The following PRKAR2B variants were observed in gnomAD, a reference collection of about 807,000 sequenced individuals.
PRKAR2B encodes the protein protein kinase cAMP-dependent type II regulatory subunit beta.
PRKAR2B carries 14 observed loss-of-function variants against 49.9 expected under a neutral mutation model. The observed-to-expected ratio is 0.28, with a 90% CI of 0.19 to 0.44. PRKAR2B has a LOEUF of 0.44. Among genes scored for constraint, PRKAR2B ranks in the 20% least tolerant of loss-of-function variants. The pLI is 1.00. For synonymous variants in PRKAR2B, 196 were observed against 197.7 expected (o/e 0.99, Z 0.07); for missense variants, 393 against 537.9 (o/e 0.73, Z 2.67).
intron 8 of PRKAR2B, 33 bp downstream of exon 8, chr7:107,153,284 G>A: frequency 4.0e-6 from 6 of 1,510,270 alleles, no homozygotes; most frequent in Non-Finnish European, 5.4e-6. Flanking sequence ...TCAGTTTAGG[G>A]TTATATTCCA....
intron 2 of PRKAR2B, among the ~76,000 whole-genome samples, chr7:107,085,724 A>G (rs1478801976): frequency 1.3e-5 from 2 of 152,130 alleles, no homozygotes; most frequent in Admixed American, 1.3e-4. Flanking sequence ...TCTATTTTCC[A>G]TGACCTTACC....
intron 2 of PRKAR2B, among the ~76,000 whole-genome samples, chr7:107,071,001 G>A (rs914728948): frequency 1.3e-5 from 2 of 152,144 alleles, no homozygotes; most frequent in Non-Finnish European, 2.9e-5. Context: ...GGAAGTATGA[G>A]ACAGAATTAA....
At chr7:107,149,858 TGG>T (rs1795951255) in intron 6 of PRKAR2B, among the ~76,000 whole-genome samples, 1 of 152,166 alleles carries the variant, frequency 6.6e-6, no homozygotes, top group Admixed American at 6.5e-5. Flanking sequence ...TAAATGTAAT[TGG>T]ATTTTTTGTA....
intron 2 of PRKAR2B, among the ~76,000 whole-genome samples, chr7:107,114,225 G>C (rs917760): frequency 0.39 from 59,853 of 151,816 alleles, 14,485 homozygotes; most frequent in Non-Finnish European, 0.51. Context: ...AAACGTATGT[G>C]GGTTCTGACA....
At position 107,150,771 on chromosome 7, in the gene PRKAR2B, A is replaced by G. The variant is rs1037506388; in HGVS notation, c.742-151A>G. The stretch of plus-strand genomic sequence containing the variant: ...TGTATTATATTTTGTGCTTGACGAA[A>G]TAAAAATATGAAATGAGTTGCATTA... On this transcript the variant is annotated intron_variant, in intron 6 of 10. Transcript: ENST00000265717. The G allele has an allele frequency of 5.0e-5, 26 of 520,694 alleles. No individual in the cohort carries two copies. In the African/African-American group the frequency reaches 5.3e-4, roughly 11 times the overall value. The allele number at this position is 520,694 out of a possible 1,614,324, so 32.3% of individuals were successfully genotyped here. A position where few individuals can be genotyped will look rare whatever the true frequency, so the allele number is the denominator to read the frequency against.
At chr7:107,120,305 T>A (rs1795364471) in intron 2 of PRKAR2B, among the ~76,000 whole-genome samples, 1 of 152,086 alleles carries the variant, frequency 6.6e-6, no homozygotes, top group African/African-American at 2.4e-5. Context: ...TTGTGACAAT[T>A]AAAATGTCAC....
At position 107,108,083 on chromosome 7, in the gene PRKAR2B, A is replaced by C. The variant is rs575129421; in HGVS notation, c.344-13869A>C. On this transcript the variant is annotated intron_variant, in intron 2 of 10. Coordinates refer to ENST00000265717, the MANE Select transcript of PRKAR2B (RefSeq NM_002736.3). ...AATGATCAGTATGACAAAGACCAAC[A>C]ACCCTAACAGGGTGCCAAATGCTGA... Among the ~76,000 whole-genome samples, 7 of 152,296 alleles carry C rather than the reference A, an allele frequency of 4.6e-5. No individual in the cohort carries two copies. In the South Asian group the frequency reaches 1.4e-3, roughly 32 times the overall value.
chr7:107,109,094 TGA>T (rs1420027395), intron 2 of PRKAR2B, among the ~76,000 whole-genome samples: 1 of 152,044 alleles, frequency 6.6e-6, no homozygotes, highest in African/African-American at 2.4e-5. Flanking sequence ...AGAAAAGGGG[TGA>T]GGAGTTCCCA....
At chr7:107,128,975 G>C (rs570251817) in intron 4 of PRKAR2B, 1 of 152,090 alleles carries the variant, frequency 6.6e-6, no homozygotes, top group Admixed American at 6.5e-5. Flanking sequence ...AGTTATTTAG[G>C]AGTGAACCTC....
intron 2 of PRKAR2B, among the ~76,000 whole-genome samples, chr7:107,098,548 C>A (rs1794894908): frequency 6.6e-6 from 1 of 152,170 alleles, no homozygotes; most frequent in South Asian, 2.1e-4. Context: ...CTGCTTTGTT[C>A]TGTTGGTGGC....
chr7:107,087,470 A>G (rs1794643117), intron 2 of PRKAR2B, among the ~76,000 whole-genome samples: 1 of 152,220 alleles, frequency 6.6e-6, no homozygotes, highest in African/African-American at 2.4e-5. Flanking sequence ...ACTGTGAGCC[A>G]GGAGCTTTTC....
intron 1 of PRKAR2B, among the ~76,000 whole-genome samples, chr7:107,064,220 A>T (rs1794084641): frequency 6.6e-6 from 1 of 152,174 alleles, no homozygotes; most frequent in South Asian, 2.1e-4. Flanking sequence ...TGTTGGTAAA[A>T]TCCTCATGAA....
chr7:107,135,788 G>T (rs113843874), intron 4 of PRKAR2B, among the ~76,000 whole-genome samples: 3,452 of 152,218 alleles, frequency 0.023, 119 homozygotes, highest in African/African-American at 0.077. Flanking sequence ...CAAGATGTCA[G>T]TTTTTCCCAA....
At chr7:107,073,952 C>T (rs1430475426) in intron 2 of PRKAR2B, among the ~76,000 whole-genome samples, 1 of 151,954 alleles carries the variant, frequency 6.6e-6, no homozygotes, top group Non-Finnish European at 1.5e-5. Flanking sequence ...GTCCCAGTTA[C>T]TCGGGAGGCT....
chr7:107,128,182 CTT>C (rs1392887636), intron 3 of PRKAR2B, 28 bp from the exon 4 acceptor site: 2 of 1,450,924 alleles, frequency 1.4e-6, no homozygotes, highest in South Asian at 1.2e-5. Flanking sequence ...TGGCTAATGT[CTT>C]TGTTTTTTAA....
intron 1 of PRKAR2B, among the ~76,000 whole-genome samples, chr7:107,059,938 C>G (rs1242440014): frequency 6.6e-6 from 1 of 151,876 alleles, no homozygotes; most frequent in Non-Finnish European, 1.5e-5. Context: ...TATGATATTG[C>G]GACAGATTGA....
intron 2 of PRKAR2B, among the ~76,000 whole-genome samples, chr7:107,112,550 T>C (rs1364113616): frequency 6.6e-6 from 1 of 152,144 alleles, no homozygotes; most frequent in Non-Finnish European, 1.5e-5. Context: ...CCTAATAATA[T>C]AGGAAAATGT....
At chr7:107,080,499 C>T (rs1463942217) in intron 2 of PRKAR2B, among the ~76,000 whole-genome samples, 1 of 152,050 alleles carries the variant, frequency 6.6e-6, no homozygotes, top group Non-Finnish European at 1.5e-5. Context: ...ACACATTATG[C>T]CCTTGAAGTA....
chr7:107,086,382 T>G (rs1433493886), intron 2 of PRKAR2B, among the ~76,000 whole-genome samples: 1 of 152,182 alleles, frequency 6.6e-6, no homozygotes, highest in East Asian at 1.9e-4. Context: ...TAGAAAATAC[T>G]TAACCGATTT....
Sources: allele counts gnomAD v4.1 joint callset (sites outside exome capture counted in the v4.1 genomes callset), GRCh38; gene constraint gnomAD v4.1.1; transcripts MANE v1.5; gene names NCBI Gene and HGNC (gene_info 2026-07-23, HGNC 2026-07-21).